The following MAPK9 variants were observed in gnomAD, a reference collection of about 807,000 sequenced individuals.
MAPK9 encodes the protein Jun kinase.
A neutral mutation model predicts 57.1 loss-of-function variants in MAPK9; 30 were observed. The ratio of observed to expected loss-of-function variants is 0.53; its 90% confidence interval spans 0.39 to 0.71. The LOEUF is 0.71. Among genes scored for constraint, MAPK9 ranks in the 30% least tolerant of loss-of-function variants. MAPK9 has a pLI of 0.00. For missense variants in MAPK9, 362 were observed against 521.0 expected (o/e 0.69, Z 2.97); for synonymous variants, 155 against 177.0 (o/e 0.88, Z 0.99).
intron 4 of MAPK9, among the ~76,000 whole-genome samples, chr5:180,264,001 G>A (rs936540772): frequency 2.0e-5 from 3 of 152,092 alleles, no homozygotes; most frequent in East Asian, 1.9e-4. Flanking sequence ...CACCGCACCC[G>A]GCCAGACCAA....
chr5:180,280,150 C>G (rs368649982), intron 2 of MAPK9: 4 of 454,152 alleles, frequency 8.8e-6, no homozygotes, highest in African/African-American at 4.0e-5. Context: ...ATACCTACTA[C>G]TCTGATATCA....
intron 2 of MAPK9, among the ~76,000 whole-genome samples, chr5:180,269,953 G>A (rs897975066): frequency 3.3e-5 from 5 of 152,146 alleles, no homozygotes; most frequent in African/African-American, 1.2e-4. Context: ...AATCTCTAAC[G>A]TAAGCAACTG....
In MAPK9 at chr5:180,236,230, A is replaced by G; in HGVS notation, c.*154T>C. The G allele has an allele frequency of 1.4e-6, 1 of 717,554 alleles. No homozygotes were observed. Among genetic ancestry groups the G allele is most frequent in the Non-Finnish European group, 2.0e-6 (1 of 498,642 alleles). The allele number at this position is 717,554 out of a possible 1,614,324, so 44.4% of individuals were successfully genotyped here. A position where few individuals can be genotyped will look rare whatever the true frequency, so the allele number is the denominator to read the frequency against. On this transcript the variant is annotated 3_prime_UTR_variant, in exon 12 of 12. Coordinates refer to ENST00000452135, the MANE Select transcript of MAPK9 (RefSeq NM_002752.5). ...TTCTGCCTCATTTTATCATCTAAGC[A>G]GGCAATCCTATCAGGTCTGAGTAGG...
At chr5:180,239,111 AG>A (rs1757441753) in intron 10 of MAPK9, among the ~76,000 whole-genome samples, 1 of 152,180 alleles carries the variant, frequency 6.6e-6, no homozygotes. Flanking sequence ...GTGGGCTAGG[AG>A]CCCCCCACAC....
intron 2 of MAPK9, chr5:180,279,656 C>T (rs570120311): frequency 3.1e-5 from 11 of 355,284 alleles, no homozygotes; most frequent in African/African-American, 1.1e-4. Flanking sequence ...TTTCTTTAGG[C>T]GCAAAGGTAA....
rs2127640801 is a variant in MAPK9, at chr5:180,291,979, G to A, written c.-179C>T. On this transcript the variant is annotated 5_prime_UTR_variant, in exon 1 of 12. Transcript: ENST00000452135. ...CCCCGCTCCGCTCCGCCCCGCCGCC[G>A]CCGCCGCCGCCGCCGCCGCAGTGGG... The A allele has an allele frequency of 1.3e-5, 2 of 157,458 alleles. No homozygotes were observed. The highest frequency in any genetic ancestry group is 3.2e-3 in the Middle Eastern group (1 of 316). 9.8% of individuals were successfully genotyped at this position (157,458 alleles called of 1,614,324 possible). A position where few individuals can be genotyped will look rare whatever the true frequency, so the allele number is the denominator to read the frequency against.
intron 3 of MAPK9, among the ~76,000 whole-genome samples, chr5:180,267,392 C>G (rs1391488451): frequency 2.0e-5 from 3 of 151,722 alleles, no homozygotes; most frequent in Middle Eastern, 3.4e-3. Context: ...AAACCCCTGT[C>G]TCTACTAAAA....
chr5:180,287,330 T>C (rs776304592), intron 1 of MAPK9, among the ~76,000 whole-genome samples: 4 of 152,216 alleles, frequency 2.6e-5, no homozygotes, highest in Admixed American at 6.5e-5. Flanking sequence ...TATGTAACCG[T>C]GGGAGAAAGC....
At chr5:180,276,515 T>C (rs1761830623) in intron 2 of MAPK9, among the ~76,000 whole-genome samples, 1 of 152,256 alleles carries the variant, frequency 6.6e-6, no homozygotes, top group Non-Finnish European at 1.5e-5. Flanking sequence ...TATTTAATTG[T>C]ACTATAACAC....
intron 1 of MAPK9, among the ~76,000 whole-genome samples, chr5:180,284,152 G>T (rs1396030114): frequency 2.0e-5 from 3 of 152,264 alleles, no homozygotes; most frequent in Admixed American, 2.0e-4. Context: ...CAACAAAATG[G>T]ACCATCAACT....
At chr5:180,238,596 T>TTTC (rs201761001) in intron 10 of MAPK9, among the ~76,000 whole-genome samples, 193 bp from the exon 11 acceptor site, 7 of 138,536 alleles carry the variant, frequency 5.1e-5, no homozygotes, top group South Asian at 4.4e-4. Flanking sequence ...TATCTTTTCT[T>TTTC]TTCTTCTTCT....
chr5:180,282,682 G>A (rs1762410730), intron 1 of MAPK9, among the ~76,000 whole-genome samples: 1 of 152,200 alleles, frequency 6.6e-6, no homozygotes, highest in South Asian at 2.1e-4. Context: ...AAAAAGGCAG[G>A]CACCCACTAC....
intron 5 of MAPK9, among the ~76,000 whole-genome samples, chr5:180,252,612 A>G (rs1186715933): frequency 6.6e-6 from 1 of 152,142 alleles, no homozygotes; most frequent in Non-Finnish European, 1.5e-5. Flanking sequence ...TCTTACTCAC[A>G]GGCCAAGGAA....
chr5:180,270,995 G>A (rs966273870), intron 2 of MAPK9, among the ~76,000 whole-genome samples: 11 of 152,090 alleles, frequency 7.2e-5, no homozygotes, highest in African/African-American at 2.2e-4. Flanking sequence ...GAGATATGGT[G>A]ACTGCAGTTA....
chr5:180,267,442 G>A (rs989130338), intron 3 of MAPK9, among the ~76,000 whole-genome samples: 4 of 151,396 alleles, frequency 2.6e-5, no homozygotes, highest in Non-Finnish European at 5.9e-5. Context: ...GGCACCTGTA[G>A]TCCCGGCTAC....
chr5:180,280,676 T>G, intron 1 of MAPK9, 68 bp from the exon 2 acceptor site: 2 of 1,262,192 alleles, frequency 1.6e-6, no homozygotes, highest in East Asian at 2.5e-5. Context: ...GTAAGAGAGT[T>G]CTGAACTTAT....
At chr5:180,267,615 T>G (rs1760764690) in intron 3 of MAPK9, among the ~76,000 whole-genome samples, 1 of 150,054 alleles carries the variant, frequency 6.7e-6, no homozygotes, top group Non-Finnish European at 1.5e-5. Context: ...TTAGAGAAAT[T>G]TAAACCAACT....
intron 4 of MAPK9, among the ~76,000 whole-genome samples, chr5:180,264,202 G>A (rs1309753512): frequency 6.6e-6 from 1 of 152,136 alleles, no homozygotes; most frequent in Non-Finnish European, 1.5e-5. Flanking sequence ...TTATCATGTG[G>A]CTTGTCTATC....
chr5:180,262,973 G>A (rs1174906219), intron 4 of MAPK9: 1 of 152,188 alleles, frequency 6.6e-6, no homozygotes, highest in Non-Finnish European at 1.5e-5. Flanking sequence ...AGTGATCTCA[G>A]TTACAGGCCA....
Sources: allele counts gnomAD v4.1 joint callset (sites outside exome capture counted in the v4.1 genomes callset), GRCh38; gene constraint gnomAD v4.1.1; transcripts MANE v1.5; gene names NCBI Gene and HGNC (gene_info 2026-07-23, HGNC 2026-07-21).